Variants in CCNJL observed in about 807,000 individuals in gnomAD.
CCNJL encodes the protein cyclin-J-like protein.
Under a neutral mutation model 33.4 loss-of-function variants are expected in CCNJL, and 33 were observed. The ratio of observed to expected loss-of-function variants is 0.99; its 90% CI spans 0.75 to 1.32. CCNJL has a LOEUF of 1.32. Among genes scored for constraint, CCNJL ranks in the 40% most tolerant of loss-of-function variants. The pLI is 0.00. For missense variants in CCNJL, 512 were observed against 499.7 expected, an observed-to-expected ratio of 1.02 and a Z score of -0.23; for synonymous variants, 227 against 220.9, an observed-to-expected ratio of 1.03 and a Z score of -0.24.
intron 2 of CCNJL, among the ~76,000 whole-genome samples, chr5:160,295,808 C>G (rs552219490): frequency 5.3e-5 from 8 of 152,308 alleles, no homozygotes; most frequent in African/African-American, 1.9e-4. Context: ...GCTGACACCC[C>G]GATGTCAGAC....
chr5:160,306,333 G>T (rs959950325), intron 2 of CCNJL, among the ~76,000 whole-genome samples: 3 of 148,754 alleles, frequency 2.0e-5, no homozygotes, highest in Non-Finnish European at 4.4e-5. Flanking sequence ...GTGCAATGAA[G>T]TAAGCTTCAG....
At position 160,253,351 on chromosome 5, in the gene CCNJL, G is replaced by A. The variant is rs1760892246; in HGVS notation, c.*27C>T. 1 of 1,543,112 alleles carries A rather than the reference G, an allele frequency of 6.5e-7. No homozygotes were observed. The highest frequency in any genetic ancestry group is 8.8e-7 in the Non-Finnish European group (1 of 1,142,004). On this transcript the variant is annotated 3_prime_UTR_variant, in exon 6 of 6. Coordinates refer to ENST00000257536, the MANE Select transcript of CCNJL (RefSeq NM_001308173.3). Reference sequence around the variant, plus strand: ...CCTCTTCCTCTGCCCACATCTCCAAGGCTTCCTCGTGAGGTCTGGAGGTGG... The same window carrying A: ...CCTCTTCCTCTGCCCACATCTCCAAAGCTTCCTCGTGAGGTCTGGAGGTGG...
intron 3 of CCNJL, among the ~76,000 whole-genome samples, chr5:160,277,899 C>T (rs949517680): frequency 5.3e-5 from 8 of 152,180 alleles, no homozygotes; most frequent in South Asian, 2.1e-4. Flanking sequence ...GCGCCCATCA[C>T]GCCTGGCTAA....
chr5:160,321,811 A>G (rs1228698098), intron 1 of CCNJL, among the ~76,000 whole-genome samples: 4 of 152,064 alleles, frequency 2.6e-5, no homozygotes, highest in African/African-American at 9.7e-5. Context: ...TGGAGCCGAG[A>G]CGGTGCCACT....
chr5:160,316,196 C>G (rs1319159518), upstream of CCNJL, among the ~76,000 whole-genome samples: 2 of 152,086 alleles, frequency 1.3e-5, no homozygotes, highest in African/African-American at 4.8e-5. Context: ...CTTCCTGTGC[C>G]GGGCAGCAGG....
At chr5:160,338,641 A>C (rs1358144154) in intron 1 of CCNJL, among the ~76,000 whole-genome samples, 1 of 152,166 alleles carries the variant, frequency 6.6e-6, no homozygotes, top group Non-Finnish European at 1.5e-5. Flanking sequence ...TGTAAGGGCT[A>C]TTTGTATAAG....
chr5:160,335,374 T>C (rs1299850346), intron 1 of CCNJL, among the ~76,000 whole-genome samples: 2 of 152,210 alleles, frequency 1.3e-5, no homozygotes, highest in East Asian at 3.8e-4. Flanking sequence ...AATTTATATA[T>C]TTTTATATAC....
chr5:160,267,659 G>C (rs1761659578), intron 3 of CCNJL, among the ~76,000 whole-genome samples: 2 of 152,166 alleles, frequency 1.3e-5, no homozygotes, highest in South Asian at 4.1e-4. Flanking sequence ...TGTCAGGCTA[G>C]TTTCAGCTTC....
At chr5:160,275,206 T>C (rs1479717319) in intron 3 of CCNJL, among the ~76,000 whole-genome samples, 1 of 151,058 alleles carries the variant, frequency 6.6e-6, no homozygotes, top group Non-Finnish European at 1.5e-5. Flanking sequence ...CACCTCAGCC[T>C]CCTGAGTAGG....
In CCNJL at chr5:160,253,811, G is replaced by C; in HGVS notation, c.744-13C>G. 1 of 1,495,504 alleles carries C rather than the reference G, an allele frequency of 6.7e-7. No individual in the cohort carries two copies. The highest frequency in any genetic ancestry group is 8.9e-7 in the Non-Finnish European group (1 of 1,127,420). The allele number at this position is 1,495,504 out of a possible 1,614,324, so 92.6% of individuals were successfully genotyped here. A position where few individuals can be genotyped will look rare whatever the true frequency, so the allele number is the denominator to read the frequency against. ...GTTGTCATACACTCTGAAACGAGAAGACCTGGGTGAGAACTGGAGGCCAAA... is the reference window on the plus strand; with the variant it reads ...GTTGTCATACACTCTGAAACGAGAACACCTGGGTGAGAACTGGAGGCCAAA... On this transcript the variant is annotated splice_polypyrimidine_tract_variant and intron_variant, in intron 5 of 5. Transcript: ENST00000257536.
At chr5:160,266,441 G>A (rs1001499122) in intron 3 of CCNJL, among the ~76,000 whole-genome samples, 13 of 152,356 alleles carry the variant, frequency 8.5e-5, no homozygotes. Flanking sequence ...GAGCCGGTGT[G>A]ACCAGGGACA....
At chr5:160,299,124 G>A (rs1687440426) in intron 2 of CCNJL, among the ~76,000 whole-genome samples, 1 of 151,954 alleles carries the variant, frequency 6.6e-6, no homozygotes, top group Non-Finnish European at 1.5e-5. Flanking sequence ...GATTACAGGT[G>A]TGTGTCACCA....
At chr5:160,325,023 AG>A (rs1285782653) in intron 1 of CCNJL, among the ~76,000 whole-genome samples, 1 of 152,164 alleles carries the variant, frequency 6.6e-6, no homozygotes, top group African/African-American at 2.4e-5. Flanking sequence ...CCTCTGCCCT[AG>A]CTTGCTCTGT....
At chr5:160,290,937 A>G (rs936687912) in intron 2 of CCNJL, among the ~76,000 whole-genome samples, 7 of 150,504 alleles carry the variant, frequency 4.7e-5, no homozygotes, top group Admixed American at 6.7e-5. Context: ...GGCTGGGTGC[A>G]GTGACTCACA....
chr5:160,258,305 GA>G, intron 4 of CCNJL: 1 of 747,942 alleles, frequency 1.3e-6, no homozygotes, highest in Non-Finnish European at 2.5e-6. Context: ...GATGGTATTC[GA>G]AAATGGTATT....
In CCNJL at chr5:160,332,223, C is replaced by T. The variant is rs115875584; in HGVS notation, n.206+7222G>A. On this transcript the variant is annotated intron_variant and non_coding_transcript_variant, in intron 1 of 7. Transcript: ENST00000377503. ...CTGCCTCCTCTTACTGCACCTGTAC[C>T]CACACATGCTGCCTGCTTTCTTTTA... Among the ~76,000 whole-genome samples the T allele has an allele frequency of 7.4e-3, 1,134 of 152,224 alleles. 15 individuals are homozygous for T. The highest frequency in any genetic ancestry group is 0.025 in the African/African-American group (1,055 of 41,506).
chr5:160,252,769 G>C lies in CCNJL; in HGVS notation c.*609C>G, dbSNP rs751794270. On this transcript the variant is annotated 3_prime_UTR_variant, in exon 6 of 6. Transcript: ENST00000257536. ...ACGAAACAGAAAGCAAGACCACTTC[G>C]GGAAGCAGCAGCACATGACATATCT... 1 of 152,638 alleles carries C rather than the reference G, an allele frequency of 6.6e-6. No individual in the cohort carries two copies. The highest frequency in any genetic ancestry group is 1.5e-5 in the Non-Finnish European group (1 of 68,078). The allele number at this position is 152,638 out of a possible 1,614,324, so 9.5% of individuals were successfully genotyped here.
intron 3 of CCNJL, among the ~76,000 whole-genome samples, chr5:160,263,996 G>GTGCA (rs1342048161): frequency 6.7e-6 from 1 of 148,966 alleles, no homozygotes; most frequent in Non-Finnish European, 1.5e-5. Flanking sequence ...ACAAGCTGGA[G>GTGCA]TGCAAGTAGC....
chr5:160,321,010 CTCTCTTTCTTTCTTTCTT>C (rs1229863392), intron 1 of CCNJL, among the ~76,000 whole-genome samples: 3,011 of 86,980 alleles, frequency 0.035, 55 homozygotes, highest in Middle Eastern at 0.048. Flanking sequence ...CTCTCTCTCT[CTCTCTTTCTTTCTTTCTT>C]TCTTTCTTTC....
Sources: gnomAD v4.1 joint callset for allele counts (sites outside exome capture counted in the v4.1 genomes callset) on GRCh38, gnomAD v4.1.1 for gene constraint, MANE v1.5 for transcripts, NCBI Gene and HGNC (gene_info 2026-07-23, HGNC 2026-07-21) for gene names.